Variants in EIF3H observed in about 807,000 individuals in gnomAD.
EIF3H encodes eukaryotic translation initiation factor 3 subunit H, also known as eIF-3-gamma.
Under a neutral mutation model 44.2 loss-of-function variants are expected in EIF3H, and 26 were observed. The observed-to-expected ratio is 0.59, with a 90% CI of 0.43 to 0.82. The LOEUF (loss-of-function observed/expected upper bound fraction) is 0.82. Among genes scored for constraint, EIF3H ranks in the 40% least tolerant of loss-of-function variants. The pLI is 0.00. For synonymous variants in EIF3H, 166 were observed against 151.9 expected (o/e 1.09, Z -0.68); for missense variants, 359 against 432.8 (o/e 0.83, Z 1.51).
At chr8:116,733,093 A>T (rs1754373524) in intron 1 of EIF3H, among the ~76,000 whole-genome samples, 1 of 152,152 alleles carries the variant, frequency 6.6e-6, no homozygotes, top group Non-Finnish European at 1.5e-5. Flanking sequence ...CAGATTCAGT[A>T]ATTTGCTAGA....
At chr8:116,758,945 GCTCT>G (rs1255621870), upstream of EIF3H, among the ~76,000 whole-genome samples, 2 of 152,120 alleles carry the variant, frequency 1.3e-5, no homozygotes, top group Non-Finnish European at 2.9e-5. Flanking sequence ...CATCATCTAA[GCTCT>G]CTAACATCCT....
At chr8:116,749,751 G>C (rs540049678) in intron 1 of EIF3H, among the ~76,000 whole-genome samples, 1 of 92,244 alleles carries the variant, frequency 1.1e-5, no homozygotes, top group Non-Finnish European at 2.4e-5. Context: ...ACAGCTTTAC[G>C]ACATGCTTAG....
At chr8:116,656,124 T>TG in intron 4 of EIF3H, 119 bp from the exon 5 acceptor site, 1 of 804,592 alleles carries the variant, frequency 1.2e-6, no homozygotes, top group Middle Eastern at 3.9e-4. Context: ...ATTAGCACTC[T>TG]TAAAAAAAAA....
At chr8:116,689,925 AGAGGTTT>A (rs1282052253) in intron 2 of EIF3H, among the ~76,000 whole-genome samples, 1 of 152,204 alleles carries the variant, frequency 6.6e-6, no homozygotes. Context: ...AAAAGATGCA[AGAGGTTT>A]GAGAGCTGGT....
chr8:116,644,808 A>T lies in EIF3H; in HGVS notation c.*198T>A. Reference sequence around the variant, plus strand: ...AACAAAAGTAAGCCAGAGAAAATACATCTAAAATCAAATGAGCAAGCAGTC... The same window carrying T: ...AACAAAAGTAAGCCAGAGAAAATACTTCTAAAATCAAATGAGCAAGCAGTC... On this transcript the variant is annotated 3_prime_UTR_variant, in exon 8 of 8. Coordinates refer to ENST00000521861, the MANE Select transcript of EIF3H (RefSeq NM_003756.3). The T allele has an allele frequency of 1.9e-6, 1 of 529,108 alleles. No homozygotes were observed. Among genetic ancestry groups the T allele is most frequent in the Non-Finnish European group, 3.4e-6 (1 of 296,442 alleles). 32.8% of individuals were successfully genotyped at this position (529,108 alleles called of 1,614,324 possible).
rs556121884 is a variant in EIF3H, at chr8:116,653,974, T to C, written c.707+1882A>G. On this transcript the variant is annotated intron_variant, in intron 5 of 7. Coordinates refer to ENST00000521861, the MANE Select transcript of EIF3H (RefSeq NM_003756.3). ...GAATTATTTCTGATGGGGTTTCTTA[T>C]ACAAACTTTTATGGCAACTGGCCTG... Among the ~76,000 whole-genome samples the C allele has an allele frequency of 1.4e-4, 22 of 152,350 alleles. 1 individual carries two copies. The South Asian group carries it at 3.7e-3, about 26-fold the overall frequency.
At chr8:116,750,950 C>T (rs984691968) in intron 1 of EIF3H, among the ~76,000 whole-genome samples, 9 of 151,790 alleles carry the variant, frequency 5.9e-5, no homozygotes, top group East Asian at 3.9e-4. Flanking sequence ...CGGTGGCTCA[C>T]GCCTGTAATC....
intron 2 of EIF3H, among the ~76,000 whole-genome samples, chr8:116,724,596 G>GAA (rs958774667): frequency 6.7e-6 from 1 of 148,250 alleles, no homozygotes; most frequent in African/African-American, 2.5e-5. Context: ...AACTCAACAG[G>GAA]AAAAAAAAAG....
At chr8:116,712,235 G>A (rs1156273298) in intron 2 of EIF3H, among the ~76,000 whole-genome samples, 1 of 152,190 alleles carries the variant, frequency 6.6e-6, no homozygotes, top group Non-Finnish European at 1.5e-5. Flanking sequence ...GAGGTTAGTA[G>A]CCTACCACCA....
chr8:116,698,033 T>TA lies in EIF3H; in HGVS notation c.289+27982dup, dbSNP rs1485705367. On this transcript the variant is annotated intron_variant, in intron 2 of 7. Transcript: ENST00000521861. The stretch of plus-strand genomic sequence containing the variant: ...TAAACTTCAGAACAACTCTTAAGGG[T>TA]AGGCAGAATTATCATGCTCAGGATC... Among the ~76,000 whole-genome samples, 3 of 152,336 alleles carry TA rather than the reference T, an allele frequency of 2.0e-5. No individual in the cohort carries two copies. In the East Asian group the frequency reaches 5.8e-4, roughly 29 times the overall value.
intron 5 of EIF3H, among the ~76,000 whole-genome samples, chr8:116,653,857 C>T (rs1158359427): frequency 1.3e-5 from 2 of 152,096 alleles, no homozygotes; most frequent in Non-Finnish European, 1.5e-5. Context: ...TTTTAGTCGT[C>T]GCAGAGAACA....
At chr8:116,748,637 T>C (rs1161901375) in intron 1 of EIF3H, among the ~76,000 whole-genome samples, 3 of 152,332 alleles carry the variant, frequency 2.0e-5, no homozygotes, top group Non-Finnish European at 4.4e-5. Context: ...TTAGAAATAC[T>C]GTAGTGAACA....
chr8:116,765,460 C>T (rs757679261), intron 1 of EIF3H: 2 of 152,196 alleles, frequency 1.3e-5, no homozygotes, highest in Non-Finnish European at 2.9e-5. Context: ...GGGACAGATT[C>T]CAGGCAAGGA....
intron 5 of EIF3H, 131 bp downstream of exon 5, chr8:116,655,725 T>C (rs1813477868): frequency 1.1e-6 from 1 of 941,888 alleles, no homozygotes; most frequent in South Asian, 1.5e-5. Context: ...TTACTCCATG[T>C]TATACATGTT....
intron 1 of EIF3H, among the ~76,000 whole-genome samples, chr8:116,749,151 T>C (rs957878940): frequency 3.3e-5 from 5 of 152,134 alleles, no homozygotes; most frequent in Admixed American, 3.3e-4. Context: ...TCAATAGCAA[T>C]GGGTTTCAAG....
intron 1 of EIF3H, among the ~76,000 whole-genome samples, chr8:116,746,146 A>G (rs554591623): frequency 1.3e-5 from 2 of 152,312 alleles, no homozygotes; most frequent in African/African-American, 4.8e-5. Context: ...ATAGCTACAA[A>G]TCTTCTACAA....
chr8:116,740,886 C>T (rs1259145536), intron 1 of EIF3H, among the ~76,000 whole-genome samples: 2 of 152,044 alleles, frequency 1.3e-5, no homozygotes, highest in African/African-American at 4.8e-5. Flanking sequence ...TCTACCCTAC[C>T]CATACCTTCC....
At chr8:116,700,267 T>C (rs1814351529) in intron 2 of EIF3H, among the ~76,000 whole-genome samples, 1 of 152,198 alleles carries the variant, frequency 6.6e-6, no homozygotes, top group African/African-American at 2.4e-5. Context: ...CTTCTTGGGA[T>C]GGTGGCAATA....
At chr8:116,724,886 CA>C in intron 2 of EIF3H, among the ~76,000 whole-genome samples, 1 of 152,146 alleles carries the variant, frequency 6.6e-6, no homozygotes, top group East Asian at 1.9e-4. Context: ...AGAAGTTCCT[CA>C]AAAAATTAAA....
Sources: gnomAD v4.1 joint callset for allele counts (sites outside exome capture counted in the v4.1 genomes callset) on GRCh38, gnomAD v4.1.1 for gene constraint, MANE v1.5 for transcripts, NCBI Gene and HGNC (gene_info 2026-07-23, HGNC 2026-07-21) for gene names.